LUC7L: variants seen among roughly 807,000 people sequenced by gnomAD.
The protein encoded by LUC7L is putative RNA-binding protein Luc7-like 1.
Under a neutral mutation model 51.1 loss-of-function variants are expected in LUC7L, and 29 were observed. That is an observed-to-expected ratio of 0.57 (90% CI 0.42 to 0.77). The LOEUF (loss-of-function observed/expected upper bound fraction) is 0.77. Ranked by LOEUF, LUC7L falls within the 30% of genes least tolerant of loss-of-function variation. The pLI is 0.00. For missense variants in LUC7L, 403 were observed against 511.9 expected, an observed-to-expected ratio of 0.79 and a Z score of 2.05; for synonymous variants, 181 against 180.7, an observed-to-expected ratio of 1.00 and a Z score of -0.01.
intron 1 of LUC7L, chr16:228,493 A>G (rs1380573095): frequency 4.0e-6 from 5 of 1,237,136 alleles, no homozygotes; most frequent in Admixed American, 3.3e-5. Flanking sequence ...ATATACAAAG[A>G]AAGCTAAAAA....
At chr16:200,024 C>G (rs528579926) in intron 5 of LUC7L, among the ~76,000 whole-genome samples, 23 of 152,032 alleles carry the variant, frequency 1.5e-4, no homozygotes, top group African/African-American at 5.3e-4. Context: ...GGCTCAGTGG[C>G]TCACGCCTGT....
In LUC7L at chr16:229,439, C is replaced by G. The variant is rs1279108228; in HGVS notation, c.-100G>C. On this transcript the variant is annotated 5_prime_UTR_variant, in exon 1 of 10. Transcript: ENST00000293872. ...GATGGTCGCGTCGGCCTCGAGCCCACTCGGCTCTTTCCCGCCGCGGGGGAC... is the reference window on the plus strand; with the variant it reads ...GATGGTCGCGTCGGCCTCGAGCCCAGTCGGCTCTTTCCCGCCGCGGGGGAC... The G allele has an allele frequency of 9.1e-7, 1 of 1,104,266 alleles. No homozygotes were observed. Among genetic ancestry groups the G allele is most frequent in the Non-Finnish European group, 1.2e-6 (1 of 819,306 alleles). 68.4% of individuals were successfully genotyped at this position (1,104,266 alleles called of 1,614,324 possible).
chr16:200,068 C>G (rs1448603090), intron 5 of LUC7L, among the ~76,000 whole-genome samples: 1 of 151,646 alleles, frequency 6.6e-6, no homozygotes, highest in Non-Finnish European at 1.5e-5. Flanking sequence ...GCAGACAGAT[C>G]ACTTGAGGCC....
intron 3 of LUC7L, among the ~76,000 whole-genome samples, chr16:218,923 T>C (rs2049886874): frequency 3.1e-5 from 1 of 32,344 alleles, no homozygotes; most frequent in Non-Finnish European, 5.2e-5. Flanking sequence ...AAACCCTGTC[T>C]CAAAAAAAAA....
At chr16:216,448 T>C (rs1423744156) in intron 3 of LUC7L, among the ~76,000 whole-genome samples, 1 of 141,298 alleles carries the variant, frequency 7.1e-6, no homozygotes, top group Non-Finnish European at 1.5e-5. Context: ...AGTGGCACAA[T>C]GTCGGCTCAT....
rs1305462584 is a variant in LUC7L at position 189,141 on chromosome 16, G to A, written c.*57C>T. On this transcript the variant is annotated 3_prime_UTR_variant, in exon 10 of 10. Transcript: ENST00000293872. ...GAGTTGTATTCAGCAAATATAAAGG[G>A]TAATTTTAGACTGTGTGAACGTTTA... 1 of 1,510,020 alleles carries A rather than the reference G, an allele frequency of 6.6e-7. No individual in the cohort carries two copies. The highest frequency in any genetic ancestry group is 2.0e-5 in the Admixed American group (1 of 49,780). The allele number at this position is 1,510,020 out of a possible 1,614,324, so 93.5% of individuals were successfully genotyped here.
chr16:190,083 G>A lies in LUC7L; in HGVS notation c.859C>T (p.Arg287Ter), dbSNP rs2142032234. 6.2e-7 allele frequency: 1 copy of A among 1,613,198 alleles called. No individual in the cohort carries two copies. Among genetic ancestry groups the A allele is most frequent in the Non-Finnish European group, 8.5e-7 (1 of 1,180,002 alleles). ...RRRSRSTSRE[R>*]RKLSRSRSRD... ...GACCGGGACCGGGACAATTTCCGTCGCTCTCGGGAGGTAGATCTTGACCGC... is the reference window on the plus strand; with the variant it reads ...GACCGGGACCGGGACAATTTCCGTCACTCTCGGGAGGTAGATCTTGACCGC... Residue 287 changes from arginine to a stop codon, truncating the protein, a stop_gained, in exon 9 of 10, where the codon CGA becomes TGA. Transcript: ENST00000293872. LOFTEE classifies it high-confidence loss of function.
intron 3 of LUC7L, among the ~76,000 whole-genome samples, chr16:214,077 T>C (rs1023297688): frequency 1.3e-5 from 2 of 151,072 alleles, no homozygotes; most frequent in Non-Finnish European, 3.0e-5. Context: ...GAGCAATTGT[T>C]TTTTTTTTGA....
intron 3 of LUC7L, among the ~76,000 whole-genome samples, chr16:214,070 C>T (rs1233198808): frequency 2.0e-5 from 3 of 150,742 alleles, no homozygotes; most frequent in African/African-American, 7.3e-5. Context: ...TTCTCATGAG[C>T]AATTGTTTTT....
At chr16:199,849 G>C (rs979419182) in intron 5 of LUC7L, among the ~76,000 whole-genome samples, 5 of 151,600 alleles carry the variant, frequency 3.3e-5, no homozygotes, top group Admixed American at 6.6e-5. Flanking sequence ...AATCAGCTGG[G>C]TGTGGTGGCA....
chr16:191,816 G>A (rs1431196656), intron 7 of LUC7L, among the ~76,000 whole-genome samples: 3 of 152,226 alleles, frequency 2.0e-5, no homozygotes, highest in Non-Finnish European at 2.9e-5. Context: ...CTGCACTCCA[G>A]CCTGGTGACA....
chr16:192,829 T>C lies in LUC7L; in HGVS notation c.776+98A>G, dbSNP rs554363979. 918 of 1,056,652 alleles carry C rather than the reference T, an allele frequency of 8.7e-4. 1 individual carries two copies. The highest frequency in any genetic ancestry group is 1.1e-3 in the Non-Finnish European group (724 of 689,080). The allele number at this position is 1,056,652 out of a possible 1,614,324, so 65.5% of individuals were successfully genotyped here. ...TACTATTTTCTTTTATAACGGCCTA[T>C]TGGGCAGGCCCTGCCTATTCCAAGC... On this transcript the variant is annotated intron_variant, in intron 7 of 9. Transcript: ENST00000293872.
In LUC7L at chr16:189,207, G is replaced by T. The variant is rs1228740436; in HGVS notation, c.1107C>A (p.Gly369=). The part of the protein sequence containing the change: ...ASRRSEEKEA[G]EI Reference sequence around the variant, plus strand: ...CACCCGGGAGACGGGTTCAGATCTCGCCGGCCTCCTTCTCTTCTGACCTCC... The same window carrying T: ...CACCCGGGAGACGGGTTCAGATCTCTCCGGCCTCCTTCTCTTCTGACCTCC... Residue 369 remains glycine, a synonymous_variant, in exon 10 of 10, where the codon GGC becomes GGA. Coordinates refer to ENST00000293872, the MANE Select transcript of LUC7L (RefSeq NM_201412.3). 3 of 1,613,152 alleles carry T rather than the reference G, an allele frequency of 1.9e-6. No homozygotes were observed. The highest frequency in any genetic ancestry group is 2.7e-5 in the African/African-American group (2 of 75,016).
intron 2 of LUC7L, among the ~76,000 whole-genome samples, chr16:226,164 A>G (rs2050127408): frequency 1.3e-5 from 2 of 152,204 alleles, no homozygotes; most frequent in Admixed American, 1.3e-4. Flanking sequence ...TTCATTTCGC[A>G]TTTGCTGTCA....
chr16:224,711 T>C (rs1414814868), intron 2 of LUC7L, among the ~76,000 whole-genome samples: 1 of 151,680 alleles, frequency 6.6e-6, no homozygotes, highest in East Asian at 1.9e-4. Flanking sequence ...CGGGCGCCTA[T>C]AATCCCAGCT....
At chr16:198,136 G>C (rs568080150) in intron 6 of LUC7L, among the ~76,000 whole-genome samples, 1 of 151,710 alleles carries the variant, frequency 6.6e-6, no homozygotes, top group Admixed American at 6.6e-5. Flanking sequence ...AAAATTAGCC[G>C]GGCGTGGTGG....
intron 5 of LUC7L, among the ~76,000 whole-genome samples, chr16:203,791 C>T (rs1440281531): frequency 5.9e-5 from 9 of 152,022 alleles, no homozygotes; most frequent in Admixed American, 1.3e-4. Context: ...CCAAGGCAGG[C>T]GGATCATGAG....
intron 2 of LUC7L, among the ~76,000 whole-genome samples, chr16:223,414 A>G (rs891547317): frequency 7.9e-5 from 12 of 152,116 alleles, no homozygotes; most frequent in African/African-American, 2.7e-4. Flanking sequence ...CACTAACAAA[A>G]CATCCTTCAG....
chr16:228,981 G>A (rs912973281), intron 1 of LUC7L: 118 of 1,435,346 alleles, frequency 8.2e-5, no homozygotes, highest in Non-Finnish European at 1.0e-4. Context: ...AGTTCGCGGA[G>A]GGGCACGGAG....
Sources: gnomAD v4.1 joint callset for allele counts (sites outside exome capture counted in the v4.1 genomes callset) on GRCh38, gnomAD v4.1.1 for gene constraint, MANE v1.5 for transcripts, NCBI Gene and HGNC (gene_info 2026-07-23, HGNC 2026-07-21) for gene names.